Variants in SRRM1 observed in about 807,000 individuals in gnomAD.
The protein encoded by SRRM1 is serine and arginine repetitive matrix 1.
In SRRM1, 19 loss-of-function variants were observed where a neutral mutation model predicts 110.2. That is an observed-to-expected ratio of 0.17 (90% CI 0.12 to 0.25). The LOEUF (loss-of-function observed/expected upper bound fraction) is 0.25. Among genes scored for constraint, SRRM1 ranks in the 10% least tolerant of loss-of-function variants. The probability of loss-of-function intolerance (pLI) is 1.00; values close to 1 mark genes in which losing one functional copy is unlikely to be tolerated. For missense variants in SRRM1, 918 were observed against 1,145.8 expected (o/e 0.80, Z 2.87); for synonymous variants, 443 against 414.9 (o/e 1.07, Z -0.82).
chr1:24,663,878 AAATAATAATAAT>A (rs10555916), intron 12 of SRRM1, among the ~76,000 whole-genome samples: 5,131 of 141,484 alleles, frequency 0.036, 141 homozygotes, highest in Middle Eastern at 0.11. Context: ...TCCCTCTCAA[AAATAATAATAAT>A]AATAATAATA....
chr1:24,662,740 A>G lies in SRRM1; in HGVS notation c.1564A>G (p.Arg522Gly). 1 of 1,614,212 alleles carries G rather than the reference A, an allele frequency of 6.2e-7. No homozygotes were observed. The highest frequency in any genetic ancestry group is 1.1e-5 in the South Asian group (1 of 91,084). ...VKNGEVGRRR[R>G]HSPSRSASPS... Reference sequence around the variant, plus strand: ...GAATGGTGAGGTTGGCAGGCGGCGGAGACATTCCCCTTCCCGGAGTGCTTC... The same window carrying G: ...GAATGGTGAGGTTGGCAGGCGGCGGGGACATTCCCCTTCCCGGAGTGCTTC... Residue 522 changes from arginine to glycine, a missense_variant, in exon 12 of 17, where the codon AGA becomes GGA. Arg to Gly is a moderately radical substitution (Grantham distance 125). Around this residue, in one of 5 missense-constraint regions of SRRM1, gnomAD observed 357 missense variants for 402.9 expected, o/e 0.89. Transcript: ENST00000323848.
intron 2 of SRRM1, among the ~76,000 whole-genome samples, chr1:24,646,292 C>T (rs964932702): frequency 1.3e-5 from 2 of 152,178 alleles, no homozygotes; most frequent in Non-Finnish European, 2.9e-5. Context: ...CTTTGGGAGG[C>T]CGAGGCGGGC....
At chr1:24,661,274 C>T (rs758621272) in intron 10 of SRRM1, 36 bp from the exon 11 acceptor site, 3 of 1,549,082 alleles carry the variant, frequency 1.9e-6, no homozygotes, top group Non-Finnish European at 2.7e-6. Context: ...ATATGCTTAA[C>T]TAAAGAAACA....
At chr1:24,646,097 G>C in intron 2 of SRRM1, 24 bp downstream of exon 2, 1 of 1,564,950 alleles carries the variant, frequency 6.4e-7, no homozygotes, top group Non-Finnish European at 8.8e-7. Flanking sequence ...TGAGACTGTT[G>C]TGCATCTTTA....
At chr1:24,647,921 T>G (rs952848805) in intron 3 of SRRM1, 2 of 152,254 alleles carry the variant, frequency 1.3e-5, no homozygotes, top group Admixed American at 6.5e-5. Context: ...TCTGGTAGTA[T>G]TCCCCTTGTA....
chr1:24,657,573 A>G (rs1664852374), intron 9 of SRRM1, among the ~76,000 whole-genome samples: 1 of 152,298 alleles, frequency 6.6e-6, no homozygotes, highest in South Asian at 2.1e-4. Context: ...GTGGCCACTA[A>G]TCAGGGCTTT....
chr1:24,670,099 T>C (rs913561354), intron 14 of SRRM1, 21 bp from the exon 15 acceptor site: 11 of 1,535,616 alleles, frequency 7.2e-6, no homozygotes, highest in South Asian at 1.3e-5. Context: ...CAATGCTGAA[T>C]GTTTTTTCCT....
chr1:24,650,914 G>A (rs1041243329), intron 5 of SRRM1, among the ~76,000 whole-genome samples: 1 of 152,076 alleles, frequency 6.6e-6, no homozygotes, highest in Non-Finnish European at 1.5e-5. Flanking sequence ...TTCTCCTCTC[G>A]CAAAAAAGCT....
At chr1:24,645,921 A>T (rs1657256775) in intron 1 of SRRM1, 63 bp from the exon 2 acceptor site, 1 of 1,382,296 alleles carries the variant, frequency 7.2e-7, no homozygotes, top group East Asian at 2.3e-5. Context: ...TAAAGGTCGT[A>T]GGTGATAAAA....
intron 14 of SRRM1, 106 bp from the exon 15 acceptor site, chr1:24,670,014 G>A (rs1671933692): frequency 2.0e-6 from 2 of 981,218 alleles, no homozygotes; most frequent in Admixed American, 5.3e-5. Flanking sequence ...CAATCTAAGT[G>A]GTATATTTGA....
chr1:24,650,340 T>C (rs1659905920), intron 5 of SRRM1, among the ~76,000 whole-genome samples: 1 of 152,212 alleles, frequency 6.6e-6, no homozygotes, highest in Non-Finnish European at 1.5e-5. Flanking sequence ...AACTTTAAAC[T>C]TTTTCTTCCA....
rs1337669451 is a variant in SRRM1, at chr1:24,670,128, C to T, written c.2213C>T (p.Ser738Phe). ...TTTTCCTTTTTGTCTAGGGCTGCTT[C>T]CCCAAGCCCACAGTCTGTAAGAAGG... Reference protein sequence around the residue: ...PEPKKIKKAASPSPQSVRRVS... With the variant: ...PEPKKIKKAAFPSPQSVRRVS... The change falls in exon 15 of 17, where the codon TCC (serine) becomes TTC (phenylalanine). Residue 738 changes from serine to phenylalanine, a missense_variant. This residue lies in a region of SRRM1 where 357 missense variants were observed against 402.9 expected (regional missense o/e 0.89). Coordinates refer to ENST00000323848, the MANE Select transcript of SRRM1 (RefSeq NM_005839.4). The T allele has an allele frequency of 1.9e-6, 3 of 1,578,918 alleles. No homozygotes were observed. The highest frequency in any genetic ancestry group is 2.6e-6 in the Non-Finnish European group (3 of 1,166,708).
At chr1:24,670,054 G>T in intron 14 of SRRM1, 66 bp from the exon 15 acceptor site, 1 of 1,371,756 alleles carries the variant, frequency 7.3e-7, no homozygotes, top group Non-Finnish European at 9.9e-7. Context: ...CAGTGTAGTT[G>T]GTGGTTTTCT....
chr1:24,652,667 T>C (rs1661658673), intron 7 of SRRM1, 39 bp downstream of exon 7: 5 of 1,533,412 alleles, frequency 3.3e-6, no homozygotes, highest in Non-Finnish European at 4.4e-6. Flanking sequence ...ATCTTAGGTT[T>C]TATATACTAC....
At chr1:24,651,820 G>A (rs1218710706) in intron 6 of SRRM1, among the ~76,000 whole-genome samples, 3 of 151,476 alleles carry the variant, frequency 2.0e-5, no homozygotes, top group Non-Finnish European at 4.4e-5. Flanking sequence ...TGGTTGTATT[G>A]TTTCAGGTAT....
In SRRM1 at chr1:24,662,345, G is replaced by C. The variant is rs932438944; in HGVS notation, c.1484-315G>C. Reference sequence around the variant, plus strand: ...GACCTGTAATCCCAGCTACTCAGGAGGCACAAGCGGTCTTTCTGCCTTGGC... The same window carrying C: ...GACCTGTAATCCCAGCTACTCAGGACGCACAAGCGGTCTTTCTGCCTTGGC... On this transcript the variant is annotated intron_variant, in intron 11 of 16. Coordinates refer to ENST00000323848, the MANE Select transcript of SRRM1 (RefSeq NM_005839.4). Among the ~76,000 whole-genome samples the C allele has an allele frequency of 7.9e-5, 12 of 152,198 alleles. 1 individual carries two copies. The highest frequency in any genetic ancestry group is 6.5e-4 in the Admixed American group (10 of 15,280).
chr1:24,661,521 A>C (rs1667219072), intron 11 of SRRM1, 125 bp downstream of exon 11: 1 of 624,486 alleles, frequency 1.6e-6, no homozygotes, highest in South Asian at 4.0e-5. Context: ...CTGAGGAGGC[A>C]GGATTGTTTC....
At chr1:24,662,595 T>G in intron 11 of SRRM1, 65 bp from the exon 12 acceptor site, 1 of 1,560,694 alleles carries the variant, frequency 6.4e-7, no homozygotes, top group Admixed American at 1.7e-5. Context: ...CACCTAGATT[T>G]CAGAAAACTT....
rs527693473 is a variant in SRRM1, at chr1:24,670,189, G to A, written c.2274G>A (p.Glu758=). Residue 758 remains glutamate, a synonymous_variant, in exon 15 of 17, where the codon GAG becomes GAA. Transcript: ENST00000323848. The part of the protein sequence containing the change: ...SSSRSVSGSP[E]PAAKKPPAPP... ...CCCGATCTGTCTCCGGGTCTCCTGA[G>A]CCAGCAGCTAAAAAGCCCCCAGCAC... 6.8e-6 allele frequency: 11 copies of A among 1,613,990 alleles called. No homozygotes were observed. The South Asian group carries it at 1.1e-4, about 16-fold the overall frequency.
Sources: gnomAD v4.1 joint callset for allele counts (sites outside exome capture counted in the v4.1 genomes callset) on GRCh38, gnomAD v4.1.1 for gene constraint, gnomAD v4.1.1 regional missense constraint, MANE v1.5 for transcripts, NCBI Gene and HGNC (gene_info 2026-07-23, HGNC 2026-07-21) for gene names.